TBL1X: variants seen among roughly 807,000 people sequenced by gnomAD.
The protein encoded by TBL1X is transducin beta like 1 X-linked.
TBL1X carries 10 observed loss-of-function variants against 50.7 expected under a neutral mutation model. That is an observed-to-expected ratio of 0.20 (90% confidence interval 0.12 to 0.33). TBL1X has a LOEUF of 0.33. Ranked by LOEUF, TBL1X falls within the 10% of genes least tolerant of loss-of-function variation. The pLI, the probability that TBL1X is intolerant of heterozygous loss-of-function variation, is 1.00. For missense variants in TBL1X, 340 were observed against 504.4 expected (o/e 0.67, Z 3.12); for synonymous variants, 190 against 214.7 (o/e 0.88, Z 1.01).
At chrX:9,517,847 G>T (rs1419353114) in intron 2 of TBL1X, among the ~76,000 whole-genome samples, 1 of 112,203 alleles carries the variant, frequency 8.9e-6, no homozygotes, top group Non-Finnish European at 1.9e-5. Context: ...GCTCATGCCT[G>T]TAATCCCAAC....
At chrX:9,550,708 A>T (rs777817568) in intron 2 of TBL1X, among the ~76,000 whole-genome samples, 6 of 112,299 alleles carry the variant, frequency 5.3e-5, no homozygotes, top group Non-Finnish European at 9.4e-5. Flanking sequence ...ACTCATTATA[A>T]TCTGGGAAAG....
At chrX:9,712,615 G>A (rs1301998515) in intron 16 of TBL1X, among the ~76,000 whole-genome samples, 1 of 112,482 alleles carries the variant, frequency 8.9e-6, no homozygotes, top group Non-Finnish European at 1.9e-5. Context: ...GGGATTACAG[G>A]TGTGAGCCAC....
chrX:9,618,521 C>CA (rs1209723169), intron 2 of TBL1X, among the ~76,000 whole-genome samples: 2 of 110,258 alleles, frequency 1.8e-5, no homozygotes, highest in African/African-American at 3.3e-5. Flanking sequence ...ACTAAAAATG[C>CA]AAAAAAAATT....
chrX:9,471,292 GT>G (rs2081813117), intron 1 of TBL1X, among the ~76,000 whole-genome samples: 2 of 112,023 alleles, frequency 1.8e-5, no homozygotes, highest in Admixed American at 1.9e-4. Flanking sequence ...GGTGACTTTT[GT>G]CCTGCCTGAG....
chrX:9,548,522 C>T (rs1027540894), intron 2 of TBL1X, among the ~76,000 whole-genome samples: 1 of 112,108 alleles, frequency 8.9e-6, no homozygotes, highest in Non-Finnish European at 1.9e-5. Context: ...ACCTTATTAT[C>T]AAAGCGTGAA....
chrX:9,514,334 GT>G (rs57690828), intron 2 of TBL1X, among the ~76,000 whole-genome samples: 5 of 105,284 alleles, frequency 4.7e-5, no homozygotes, highest in African/African-American at 1.7e-4. Flanking sequence ...CACTGTGAGT[GT>G]TTTTTTTTTA....
chrX:9,480,623 G>T (rs2081876394), intron 1 of TBL1X, among the ~76,000 whole-genome samples: 1 of 110,884 alleles, frequency 9.0e-6, no homozygotes, highest in African/African-American at 3.3e-5. Flanking sequence ...GAAGATTTTT[G>T]CCTTTTAAAA....
intron 3 of TBL1X, among the ~76,000 whole-genome samples, chrX:9,646,489 A>G (rs1242085112): frequency 8.9e-6 from 1 of 112,432 alleles, no homozygotes; most frequent in Admixed American, 9.4e-5. Flanking sequence ...CAGAGAAAAG[A>G]GCCGCTGCCT....
At chrX:9,484,164 C>G (rs1019931498) in intron 1 of TBL1X, among the ~76,000 whole-genome samples, 2 of 109,763 alleles carry the variant, frequency 1.8e-5, no homozygotes, top group Non-Finnish European at 3.8e-5. Flanking sequence ...GCCACCACAC[C>G]CGGTTAATTT....
chrX:9,578,457 A>G lies in TBL1X; in HGVS notation c.-130-61816A>G, dbSNP rs141482926. Among the ~76,000 whole-genome samples, 713 of 111,415 alleles carry G rather than the reference A, an allele frequency of 6.4e-3. 4 individuals carry two copies. Among genetic ancestry groups the G allele is most frequent in the African/African-American group, 0.022 (670 of 30,602 alleles). On this transcript the variant is annotated intron_variant, in intron 2 of 17. Transcript: ENST00000645353. ...AGAAGCACGTGCTGTCAGTGTTGCAATTGGTAATGCACACCACACTTGGGC... is the reference window on the plus strand; with the variant it reads ...AGAAGCACGTGCTGTCAGTGTTGCAGTTGGTAATGCACACCACACTTGGGC...
At chrX:9,681,580 G>T (rs1055438531) in intron 5 of TBL1X, among the ~76,000 whole-genome samples, 1 of 112,470 alleles carries the variant, frequency 8.9e-6, no homozygotes, top group Non-Finnish European at 1.9e-5. Flanking sequence ...CCAGTTCTGT[G>T]GCCCAGTGCT....
At chrX:9,583,140 G>A (rs1018395618) in intron 2 of TBL1X, among the ~76,000 whole-genome samples, 1 of 112,500 alleles carries the variant, frequency 8.9e-6, no homozygotes, top group Admixed American at 9.4e-5. Context: ...GTGGTCAGGC[G>A]GCAGCAGGGT....
intron 2 of TBL1X, among the ~76,000 whole-genome samples, chrX:9,520,156 C>T (rs1408260270): frequency 1.8e-5 from 2 of 111,975 alleles, no homozygotes; most frequent in African/African-American, 6.5e-5. Flanking sequence ...TTCCTCTCCC[C>T]GCACCTTCCT....
intron 2 of TBL1X, among the ~76,000 whole-genome samples, chrX:9,507,666 G>T (rs2082033004): frequency 8.9e-6 from 1 of 112,000 alleles, no homozygotes; most frequent in Non-Finnish European, 1.9e-5. Flanking sequence ...AAAGCTGGAG[G>T]CATCATGCTA....
At chrX:9,632,357 C>G (rs1320565204) in intron 2 of TBL1X, among the ~76,000 whole-genome samples, 1 of 111,600 alleles carries the variant, frequency 9.0e-6, no homozygotes, top group Admixed American at 9.5e-5. Context: ...CTTAGCTTAC[C>G]GCAACCTCCG....
At chrX:9,592,582 A>T (rs753534177) in intron 2 of TBL1X, among the ~76,000 whole-genome samples, 1 of 111,046 alleles carries the variant, frequency 9.0e-6, no homozygotes, top group Admixed American at 9.6e-5. Flanking sequence ...TTTTTCCATT[A>T]TCCTTCTCCA....
At chrX:9,633,182 A>G (rs1247666695) in intron 2 of TBL1X, among the ~76,000 whole-genome samples, 1 of 112,174 alleles carries the variant, frequency 8.9e-6, no homozygotes, top group Non-Finnish European at 1.9e-5. Flanking sequence ...TTTAAAGAAC[A>G]TTAAAGGTTA....
At chrX:9,564,238 G>A (rs376622780) in intron 2 of TBL1X, among the ~76,000 whole-genome samples, 2 of 111,568 alleles carry the variant, frequency 1.8e-5, no homozygotes, top group East Asian at 2.8e-4. Context: ...TGGCCAACAC[G>A]GTGAAACCTC....
upstream of TBL1X, among the ~76,000 whole-genome samples, chrX:9,464,273 C>T (rs1468342362): frequency 1.8e-5 from 2 of 111,406 alleles, no homozygotes; most frequent in African/African-American, 6.5e-5. Flanking sequence ...AGGGCTGATG[C>T]CTGGGGGGTT....
Sources: gnomAD v4.1 joint callset for allele counts (sites outside exome capture counted in the v4.1 genomes callset) on GRCh38, gnomAD v4.1.1 for gene constraint, MANE v1.5 for transcripts, NCBI Gene and HGNC (gene_info 2026-07-23, HGNC 2026-07-21) for gene names.